The following ADCY7 variants were observed in gnomAD, a reference collection of about 807,000 sequenced individuals.
The protein encoded by ADCY7 is adenylate cyclase 7.
ADCY7 carries 72 observed loss-of-function variants against 120.6 expected under a neutral mutation model. The ratio of observed to expected loss-of-function variants is 0.60; its 90% CI spans 0.49 to 0.73. The LOEUF (loss-of-function observed/expected upper bound fraction) is 0.73, where lower values mean the gene tolerates loss of function less well. Among genes scored for constraint, ADCY7 ranks in the 30% least tolerant of loss-of-function variants. The pLI is 0.00. For missense variants in ADCY7, 1,227 were observed against 1,486.0 expected, an observed-to-expected ratio of 0.83 and a Z score of 2.87; for synonymous variants, 661 against 628.0, an observed-to-expected ratio of 1.05 and a Z score of -0.78.
intron 1 of ADCY7, among the ~76,000 whole-genome samples, chr16:50,255,743 C>T (rs1054377086): frequency 7.2e-5 from 11 of 152,190 alleles, no homozygotes; most frequent in African/African-American, 1.9e-4. Flanking sequence ...CTGCCTGCCT[C>T]GGCCTCCCAA....
intron 17 of ADCY7, chr16:50,309,047 C>T: frequency 2.3e-6 from 1 of 428,322 alleles, no homozygotes; most frequent in East Asian, 3.7e-5. Flanking sequence ...ATCCTGACAT[C>T]CCATTCATTC....
intron 21 of ADCY7, 108 bp from the exon 22 acceptor site, chr16:50,312,782 A>T: frequency 1.3e-5 from 9 of 700,704 alleles, no homozygotes; most frequent in Non-Finnish European, 1.9e-5. Context: ...CCACTCCCCG[A>T]AAGCTGGGCT....
chr16:50,290,764 T>C (rs971826831), intron 3 of ADCY7, 104 bp downstream of exon 3: 3 of 1,267,688 alleles, frequency 2.4e-6, no homozygotes, highest in African/African-American at 3.0e-5. Context: ...CTTGGCTGTG[T>C]GTCTAGGATG....
intron 23 of ADCY7, 84 bp from the exon 24 acceptor site, chr16:50,314,208 T>A (rs1192059255): frequency 2.5e-5 from 36 of 1,447,426 alleles, no homozygotes; most frequent in Non-Finnish European, 3.4e-5. Context: ...GTGGTGGGGA[T>A]CCTCAACAAG....
chr16:50,281,488 C>T (rs771679153), intron 1 of ADCY7, among the ~76,000 whole-genome samples: 7 of 152,198 alleles, frequency 4.6e-5, no homozygotes, highest in Non-Finnish European at 1.0e-4. Context: ...CTCACCCATG[C>T]CACTCTGCGT....
chr16:50,305,686 A>G, intron 13 of ADCY7, 91 bp from the exon 14 acceptor site: 1 of 1,501,384 alleles, frequency 6.7e-7, no homozygotes, highest in Non-Finnish European at 9.3e-7. Context: ...CTGGTGGCCC[A>G]GCCTTGTTCC....
At chr16:50,263,377 G>A (rs1052841528), upstream of ADCY7, among the ~76,000 whole-genome samples, 4 of 152,250 alleles carry the variant, frequency 2.6e-5, no homozygotes, top group South Asian at 2.1e-4. Context: ...CAGTGCTGAG[G>A]CTGCAGCAGG....
chr16:50,308,447 C>CCCTGCCTCAGGACA (rs752657746), intron 16 of ADCY7, 36 bp downstream of exon 16: 1 of 1,612,940 alleles, frequency 6.2e-7, no homozygotes, highest in Admixed American at 1.7e-5. Flanking sequence ...GGCCCTCCCT[C>CCCTGCCTCAGGACA]CCTGCCTCAG....
At chr16:50,303,902 C>T (rs2035892696) in intron 10 of ADCY7, among the ~76,000 whole-genome samples, 1 of 152,090 alleles carries the variant, frequency 6.6e-6, no homozygotes, top group African/African-American at 2.4e-5. Context: ...CGTGGGAGGG[C>T]AGGGTAGGAT....
chr16:50,312,818 C>A, intron 21 of ADCY7, 72 bp from the exon 22 acceptor site: 1 of 1,457,836 alleles, frequency 6.9e-7, no homozygotes, highest in South Asian at 1.2e-5. Flanking sequence ...GCCATCTGCT[C>A]CTGAGGCCTT....
chr16:50,313,672 G>T (rs906463830), intron 22 of ADCY7: 1 of 361,482 alleles, frequency 2.8e-6, no homozygotes, highest in Non-Finnish European at 5.0e-6. Flanking sequence ...TGGAGACAAA[G>T]AATCTACATT....
intron 11 of ADCY7, 117 bp downstream of exon 11, chr16:50,304,668 C>G: frequency 8.6e-7 from 1 of 1,156,152 alleles, no homozygotes; most frequent in Non-Finnish European, 1.2e-6. Flanking sequence ...GTAAAATGGC[C>G]ACAGCCTCTG....
rs1247837650 is a variant in ADCY7, at chr16:50,313,940, C to T, written c.2752-18C>T. 2 of 1,603,374 alleles carry T rather than the reference C, an allele frequency of 1.2e-6. No individual in the cohort carries two copies. The highest frequency in any genetic ancestry group is 1.1e-5 in the South Asian group (1 of 89,880). On this transcript the variant is annotated intron_variant, in intron 22 of 25. Coordinates refer to ENST00000673801, the MANE Select transcript of ADCY7 (RefSeq NM_001114.5). Reference sequence around the variant, plus strand: ...CTATGGAGTGGCGGCTGCTTCACCGCTTCCTTCTTGCCTGCAGCTCCTACT... The same window carrying T: ...CTATGGAGTGGCGGCTGCTTCACCGTTTCCTTCTTGCCTGCAGCTCCTACT...
chr16:50,253,888 T>C (rs746551687), intron 1 of ADCY7, among the ~76,000 whole-genome samples: 1 of 152,166 alleles, frequency 6.6e-6, no homozygotes, highest in Non-Finnish European at 1.5e-5. Flanking sequence ...GGAGGGGACC[T>C]CAGGAAGAAC....
intron 22 of ADCY7, 132 bp downstream of exon 22, chr16:50,313,168 G>C (rs1596996576): frequency 7.8e-7 from 1 of 1,287,260 alleles, no homozygotes; most frequent in Non-Finnish European, 1.0e-6. Flanking sequence ...TATAATCCCA[G>C]CACTTTGGGA....
intron 1 of ADCY7, among the ~76,000 whole-genome samples, chr16:50,254,727 C>T (rs552982698): frequency 6.6e-6 from 1 of 152,288 alleles, no homozygotes; most frequent in South Asian, 2.1e-4. Context: ...CCTTTGTCAA[C>T]ATTCCAGTGA....
rs192068546 is a variant in ADCY7, at chr16:50,314,041, C to A, written c.2835C>A (p.Val945=). The change falls in exon 23 of 26, where the codon GTC becomes GTA. Residue 945 remains valine, a synonymous_variant. Coordinates refer to ENST00000673801, the MANE Select transcript of ADCY7 (RefSeq NM_001114.5). ...STYMAAAGLS[V]ASGHENQELE... ...ACATGGCAGCTGCAGGGCTCAGCGT[C>A]GCCTCAGGGCACGAGAACCAGGTAC... 1.2e-6 allele frequency: 2 copies of A among 1,614,072 alleles called. No homozygotes were observed. Among genetic ancestry groups the A allele is most frequent in the Non-Finnish European group, 1.7e-6 (2 of 1,179,934 alleles).
At chr16:50,285,270 G>A (rs947835939) in intron 1 of ADCY7, among the ~76,000 whole-genome samples, 1 of 152,228 alleles carries the variant, frequency 6.6e-6, no homozygotes, top group Non-Finnish European at 1.5e-5. Context: ...GCCAAGGCCT[G>A]TAGACACCTG....
At chr16:50,253,346 G>A (rs1596789475) in intron 1 of ADCY7, among the ~76,000 whole-genome samples, 1 of 152,304 alleles carries the variant, frequency 6.6e-6, no homozygotes, top group East Asian at 1.9e-4. Context: ...CGCCTCCTGG[G>A]TTCAGATGAT....
Sources: gnomAD v4.1 joint callset for allele counts (sites outside exome capture counted in the v4.1 genomes callset) on GRCh38, gnomAD v4.1.1 for gene constraint, MANE v1.5 for transcripts, NCBI Gene and HGNC (gene_info 2026-07-23, HGNC 2026-07-21) for gene names.